The following NEK10 variants were observed in gnomAD, a reference collection of about 807,000 sequenced individuals.
The protein encoded by NEK10 is serine/threonine-protein kinase Nek10.
Under a neutral mutation model 159.8 loss-of-function variants are expected in NEK10, and 122 were observed. That is an observed-to-expected ratio of 0.76 (90% CI 0.66 to 0.89). NEK10 has a LOEUF of 0.89. Among genes scored for constraint, NEK10 ranks in the 40% least tolerant of loss-of-function variants. The pLI is 0.00. For missense variants in NEK10, 1,342 were observed against 1,323.1 expected, an observed-to-expected ratio of 1.01 and a Z score of -0.22; for synonymous variants, 466 against 457.1, an observed-to-expected ratio of 1.02 and a Z score of -0.25.
chr3:27,174,829 G>A lies in NEK10; in HGVS notation c.2510C>T (p.Thr837Ile). The A allele has an allele frequency of 1.3e-6, 2 of 1,584,460 alleles. No homozygotes were observed. Among genetic ancestry groups the A allele is most frequent in the South Asian group, 2.3e-5 (2 of 86,034 alleles). ...HHELAVLSHE[T>I]FEKASLSSSS... ...GCTACTCAAACTTGCCTTCTCAAAG[G>A]TCTCCTGGAAAGAGAAATTCAGTTT... Residue 837 changes from threonine to isoleucine, a missense_variant, in exon 27 of 36, where the codon ACC becomes ATC. Transcript: ENST00000691995.
chr3:27,260,201 T>C lies in NEK10; in HGVS notation c.2015-3830A>G, dbSNP rs558847691. Among the ~76,000 whole-genome samples, 5 of 152,320 alleles carry C rather than the reference T, an allele frequency of 3.3e-5. No homozygotes were observed. The South Asian group carries it at 1.0e-3, about 32-fold the overall frequency. On this transcript the variant is annotated intron_variant, in intron 22 of 35. Transcript: ENST00000691995. ...TTGACTTCCTTGTTTCCTAATTGAA[T>C]ACCCTTTATTTCCTTCTCCTGCCTG...
intron 33 of NEK10, among the ~76,000 whole-genome samples, chr3:27,116,763 G>A (rs554854421): frequency 6.6e-5 from 10 of 151,708 alleles, no homozygotes; most frequent in South Asian, 4.2e-4. Context: ...GCCTTCCAAC[G>A]TCTGTACATT....
intron 30 of NEK10, 77 bp from the exon 31 acceptor site, chr3:27,141,659 A>G: frequency 2.6e-6 from 3 of 1,132,350 alleles, no homozygotes; most frequent in Non-Finnish European, 3.9e-6. Flanking sequence ...GTAAAATTCT[A>G]ACACAAATTT....
At chr3:27,291,447 T>C in intron 17 of NEK10, 37 bp downstream of exon 17, 9 of 1,602,250 alleles carry the variant, frequency 5.6e-6, no homozygotes, top group Non-Finnish European at 6.0e-6. Flanking sequence ...CCTGACTACA[T>C]AGCAGCCTGC....
chr3:27,328,175 A>G (rs913832074), intron 5 of NEK10, among the ~76,000 whole-genome samples: 1 of 152,218 alleles, frequency 6.6e-6, no homozygotes, highest in Non-Finnish European at 1.5e-5. Flanking sequence ...TGAAAATTTC[A>G]GAATATTTTC....
chr3:27,203,108 C>G (rs35420834), intron 23 of NEK10, among the ~76,000 whole-genome samples: 10,743 of 152,206 alleles, frequency 0.071, 443 homozygotes, highest in African/African-American at 0.11. Flanking sequence ...GTAGCTTCCA[C>G]CCTTGCAGCC....
chr3:27,362,841 C>T (rs1045419769), intron 1 of NEK10, among the ~76,000 whole-genome samples: 1 of 152,012 alleles, frequency 6.6e-6, no homozygotes, highest in Non-Finnish European at 1.5e-5. Flanking sequence ...TACATCAGTG[C>T]TCACCTGAAC....
chr3:27,287,820 T>A (rs563000047), intron 19 of NEK10, 77 bp from the exon 20 acceptor site: 1 of 1,372,768 alleles, frequency 7.3e-7, no homozygotes, highest in East Asian at 2.7e-5. Context: ...TTAGTTGGAC[T>A]TCATATTTGA....
intron 23 of NEK10, among the ~76,000 whole-genome samples, chr3:27,244,846 C>T (rs1954904633): frequency 6.6e-6 from 1 of 152,156 alleles, no homozygotes; most frequent in African/African-American, 2.4e-5. Context: ...TGATGCCTTG[C>T]TCCCTCACCT....
At chr3:27,181,659 C>T (rs949145260) in intron 26 of NEK10, among the ~76,000 whole-genome samples, 1 of 152,170 alleles carries the variant, frequency 6.6e-6, no homozygotes, top group Non-Finnish European at 1.5e-5. Context: ...TGTCTACAAT[C>T]ACTTTCTATT....
chr3:27,266,900 G>A (rs990619704), intron 22 of NEK10, among the ~76,000 whole-genome samples: 13 of 152,140 alleles, frequency 8.5e-5, no homozygotes, highest in Non-Finnish European at 1.9e-4. Context: ...AGGCAGCTTC[G>A]TAGACAGTTC....
At chr3:27,190,855 T>G (rs188878059) in intron 26 of NEK10, among the ~76,000 whole-genome samples, 18 of 152,338 alleles carry the variant, frequency 1.2e-4, no homozygotes, top group African/African-American at 4.1e-4. Flanking sequence ...AAAAGCAAAG[T>G]GAGCTCTAAC....
intron 1 of NEK10, among the ~76,000 whole-genome samples, chr3:27,363,086 A>G (rs979103897): frequency 2.0e-5 from 3 of 152,118 alleles, no homozygotes; most frequent in African/African-American, 7.2e-5. Flanking sequence ...TGTTACTCAC[A>G]CTTGGTCCTG....
In NEK10 at chr3:27,109,818, A is replaced by G. The variant is rs1270153676; in HGVS notation, c.*1454T>C. On this transcript the variant is annotated 3_prime_UTR_variant, in exon 36 of 36. Coordinates refer to ENST00000691995, the MANE Select transcript of NEK10 (RefSeq NM_001394966.1). ...CTGAAATTTTCATTACTGTATTTGC[A>G]TCTATTATCTTACATTACAGTGTAT... Among the ~76,000 whole-genome samples the G allele has an allele frequency of 6.6e-6, 1 of 152,204 alleles. No individual in the cohort carries two copies. Among genetic ancestry groups the G allele is most frequent in the Non-Finnish European group, 1.5e-5 (1 of 68,026 alleles).
chr3:27,215,948 C>T, intron 23 of NEK10: 2 of 568,538 alleles, frequency 3.5e-6, no homozygotes, highest in South Asian at 4.9e-5. Context: ...AATTCGCCCC[C>T]ATAATACAAT....
intron 23 of NEK10, among the ~76,000 whole-genome samples, chr3:27,219,434 CA>C (rs1244954737): frequency 1.3e-5 from 2 of 152,322 alleles, no homozygotes; most frequent in African/African-American, 4.8e-5. Flanking sequence ...GACTAGTTAT[CA>C]TTTATCTTGA....
intron 3 of NEK10, among the ~76,000 whole-genome samples, chr3:27,348,186 C>T (rs546436256): frequency 2.0e-5 from 3 of 151,938 alleles, no homozygotes; most frequent in South Asian, 2.1e-4. Flanking sequence ...CATGATATAC[C>T]GCATAAAAGA....
intron 31 of NEK10, 59 bp downstream of exon 31, chr3:27,141,423 A>T (rs1278711901): frequency 2.3e-5 from 30 of 1,276,980 alleles, no homozygotes; most frequent in Non-Finnish European, 3.2e-5. Context: ...GTTCTTCAGC[A>T]ATATTAGCAC....
intron 23 of NEK10, among the ~76,000 whole-genome samples, chr3:27,251,942 T>C: frequency 6.6e-6 from 1 of 152,172 alleles, no homozygotes; most frequent in Admixed American, 6.5e-5. Context: ...ATGAAAAGCA[T>C]TTTCTTCAGG....
Sources: gnomAD v4.1 joint callset for allele counts (sites outside exome capture counted in the v4.1 genomes callset) on GRCh38, gnomAD v4.1.1 for gene constraint, MANE v1.5 for transcripts, NCBI Gene and HGNC (gene_info 2026-07-23, HGNC 2026-07-21) for gene names.